PRSS12: variants seen among roughly 807,000 people sequenced by gnomAD.
The protein encoded by PRSS12 is neurotrypsin.
Under a neutral mutation model 104.4 loss-of-function variants are expected in PRSS12, and 85 were observed. The observed-to-expected ratio is 0.81, with a 90% CI of 0.68 to 0.98. The LOEUF (loss-of-function observed/expected upper bound fraction) is 0.98, where lower values mean the gene tolerates loss of function less well. PRSS12 is among the 50% of genes least tolerant of loss of function. PRSS12 has a pLI of 0.00. For missense variants in PRSS12, 1,141 were observed against 1,139.2 expected, an observed-to-expected ratio of 1.00 and a Z score of -0.02; for synonymous variants, 454 against 425.2, an observed-to-expected ratio of 1.07 and a Z score of -0.83.
chr4:118,307,829 A>G (rs1361525152), intron 8 of PRSS12, among the ~76,000 whole-genome samples: 2 of 152,148 alleles, frequency 1.3e-5, no homozygotes, highest in Non-Finnish European at 2.9e-5. Context: ...AACACTACAC[A>G]GCACTTCGGT....
chr4:118,311,420 C>T (rs2126033159), intron 7 of PRSS12, among the ~76,000 whole-genome samples: 1 of 152,248 alleles, frequency 6.6e-6, no homozygotes, highest in South Asian at 2.1e-4. Flanking sequence ...AGTCCAAGAG[C>T]TCATCATTGC....
Position 118,283,120 on chromosome 4 carries a change from CAGAG to C in PRSS12, c.2040-13_2040-10del. On this transcript the variant is annotated splice_polypyrimidine_tract_variant and intron_variant, in intron 11 of 12. Transcript: ENST00000296498. The stretch of plus-strand genomic sequence containing the variant: ...TAGTGCTGTTGCCATACCTGAGAGG[CAGAG>C]AGTACTAATGAGAGACTTGCTTCAG... The C allele has an allele frequency of 6.2e-7, 1 of 1,613,920 alleles. No homozygotes were observed. The highest frequency in any genetic ancestry group is 8.5e-7 in the Non-Finnish European group (1 of 1,179,844).
chr4:118,339,920 A>G (rs959697790), intron 1 of PRSS12, among the ~76,000 whole-genome samples: 6 of 152,196 alleles, frequency 3.9e-5, no homozygotes, highest in Non-Finnish European at 4.4e-5. Flanking sequence ...TTAATCTATT[A>G]TTTCTTTACT....
intron 12 of PRSS12, 67 bp downstream of exon 12, chr4:118,282,764 G>A (rs1342064204): frequency 6.2e-7 from 1 of 1,602,320 alleles, no homozygotes; most frequent in African/African-American, 1.3e-5. Flanking sequence ...ATTGCCCATT[G>A]CACACCCAAA....
In PRSS12 at chr4:118,313,226, G is replaced by A. The variant is rs145721027; in HGVS notation, c.1464C>T (p.Gly488=). ...REDVSIACYP[G]GEGHRLSLGF... The stretch of plus-strand genomic sequence containing the variant: ...CCAGAGAGAGCCTGTGTCCCTCGCC[G>A]CCAGGGTAGCAGGCAATGCTAACAT... Residue 488 remains glycine, a synonymous_variant, in exon 7 of 13, where the codon GGC becomes GGT. Transcript: ENST00000296498. The A allele has an allele frequency of 3.0e-5, 49 of 1,613,628 alleles. No homozygotes were observed. Among genetic ancestry groups the A allele is most frequent in the African/African-American group, 8.0e-5 (6 of 74,880 alleles).
intron 1 of PRSS12, among the ~76,000 whole-genome samples, chr4:118,351,243 T>C (rs376072653): frequency 3.1e-4 from 47 of 152,266 alleles, no homozygotes; most frequent in African/African-American, 9.6e-4. Context: ...AGAATCTCAA[T>C]TCAGGAAACC....
chr4:118,328,845 G>A (rs1351562124), intron 4 of PRSS12, among the ~76,000 whole-genome samples: 2 of 152,072 alleles, frequency 1.3e-5, no homozygotes, highest in Non-Finnish European at 2.9e-5. Flanking sequence ...CCAGGCTGGA[G>A]TACAGTGGTG....
intron 1 of PRSS12, among the ~76,000 whole-genome samples, chr4:118,348,302 C>T (rs1333990033): frequency 6.6e-6 from 1 of 152,162 alleles, no homozygotes; most frequent in Admixed American, 6.5e-5. Context: ...TAAAATTACA[C>T]AAAAAGTTAA....
At chr4:118,341,211 T>C (rs79067277) in intron 1 of PRSS12, among the ~76,000 whole-genome samples, 7,089 of 152,266 alleles carry the variant, frequency 0.047, 251 homozygotes, top group South Asian at 0.15. Flanking sequence ...TAGGAAAAGA[T>C]CAAAGGAAAA....
At chr4:118,335,880 T>C (rs145655698) in intron 2 of PRSS12, among the ~76,000 whole-genome samples, 1 of 152,324 alleles carries the variant, frequency 6.6e-6, no homozygotes, top group Non-Finnish European at 1.5e-5. Context: ...CTTAAATAAC[T>C]ACTTTATGTG....
chr4:118,293,275 C>G (rs899323276), intron 11 of PRSS12, among the ~76,000 whole-genome samples: 4 of 151,790 alleles, frequency 2.6e-5, no homozygotes, highest in African/African-American at 9.7e-5. Flanking sequence ...ATACCATATA[C>G]TATAAACAAA....
At chr4:118,333,218 G>A (rs577328693) in intron 3 of PRSS12, among the ~76,000 whole-genome samples, 17 of 152,226 alleles carry the variant, frequency 1.1e-4, no homozygotes, top group East Asian at 9.7e-4. Context: ...AATAAAGGAC[G>A]TAATATGGTA....
chr4:118,318,698 T>C, intron 4 of PRSS12, 142 bp from the exon 5 acceptor site: 1 of 889,054 alleles, frequency 1.1e-6, no homozygotes, highest in South Asian at 1.6e-5. Flanking sequence ...TTTCTGTATT[T>C]CTTTTTTGTA....
chr4:118,344,575 C>A (rs1363600146), intron 1 of PRSS12, among the ~76,000 whole-genome samples: 3 of 152,118 alleles, frequency 2.0e-5, no homozygotes, highest in Non-Finnish European at 2.9e-5. Context: ...CAAGATCCAA[C>A]TGAGCTATAT....
intron 1 of PRSS12, among the ~76,000 whole-genome samples, chr4:118,344,136 T>C (rs1001412931): frequency 6.6e-6 from 1 of 152,260 alleles, no homozygotes; most frequent in South Asian, 2.1e-4. Context: ...ATACAGAAAT[T>C]TCAATTTATG....
At chr4:118,338,616 A>C (rs1724120113) in intron 1 of PRSS12, among the ~76,000 whole-genome samples, 1 of 152,180 alleles carries the variant, frequency 6.6e-6, no homozygotes. Context: ...AGAAGCAACC[A>C]CTGTAATTTT....
chr4:118,299,117 T>C (rs1743328164), intron 8 of PRSS12, among the ~76,000 whole-genome samples, 179 bp from the exon 9 acceptor site: 1 of 152,248 alleles, frequency 6.6e-6, no homozygotes, highest in Non-Finnish European at 1.5e-5. Flanking sequence ...GTATTAACTA[T>C]ACTTTCCCAT....
At chr4:118,317,177 T>C (rs1723464518) in intron 5 of PRSS12, among the ~76,000 whole-genome samples, 1 of 152,114 alleles carries the variant, frequency 6.6e-6, no homozygotes, top group Non-Finnish European at 1.5e-5. Flanking sequence ...AACTGGAAGA[T>C]ATGTCTCGCC....
intron 8 of PRSS12, among the ~76,000 whole-genome samples, chr4:118,299,794 T>TAAATA (rs1392579389): frequency 3.1e-5 from 2 of 64,456 alleles, no homozygotes; most frequent in African/African-American, 8.8e-5. Context: ...TAAAATAAAA[T>TAAATA]AAATAAAATA....
Sources: allele counts gnomAD v4.1 joint callset (sites outside exome capture counted in the v4.1 genomes callset), GRCh38; gene constraint gnomAD v4.1.1; transcripts MANE v1.5; gene names NCBI Gene and HGNC (gene_info 2026-07-23, HGNC 2026-07-21).